RBFOX1: variants seen among roughly 807,000 people sequenced by gnomAD.
RBFOX1 encodes the protein RNA binding protein fox-1 homolog 1.
RBFOX1 carries 8 observed loss-of-function variants against 57.7 expected under a neutral mutation model. That is an observed-to-expected ratio of 0.14 (90% CI 0.08 to 0.25). RBFOX1 has a LOEUF of 0.25. Ranked by LOEUF, RBFOX1 falls within the 10% of genes least tolerant of loss-of-function variation. RBFOX1 has a pLI of 1.00. For missense variants in RBFOX1, 611 were observed against 548.5 expected (o/e 1.11, Z -1.14); for synonymous variants, 326 against 222.4 (o/e 1.47, Z -4.15).
chr16:6,661,489 C>G (rs550144531), intron 3 of RBFOX1, among the ~76,000 whole-genome samples: 1 of 152,206 alleles, frequency 6.6e-6, no homozygotes, highest in South Asian at 2.1e-4. Context: ...CATTAGGGTT[C>G]TGTGTCAATC....
chr16:7,540,044 ACTT>A (rs1385132486), intron 5 of RBFOX1, among the ~76,000 whole-genome samples: 1 of 152,110 alleles, frequency 6.6e-6, no homozygotes, highest in Non-Finnish European at 1.5e-5. Context: ...AGCTGCCACT[ACTT>A]CTATTATTAT....
rs546472840 is a variant in RBFOX1 at position 5,781,296 on chromosome 16, T to C, written c.319-86007T>C. Reference sequence around the variant, plus strand: ...TTTCAATTTGCTTAGAAGCTTAAGGTTTATCCATAGCCTCCTCCTCTTGAC... The same window carrying C: ...TTTCAATTTGCTTAGAAGCTTAAGGCTTATCCATAGCCTCCTCCTCTTGAC... On this transcript the variant is annotated intron_variant, in intron 3 of 19. Transcript: ENST00000641259. 2.0e-5 allele frequency among the ~76,000 whole-genome samples: 3 copies of C among 152,226 alleles called. No individual in the cohort carries two copies. In the South Asian group the frequency reaches 6.2e-4, roughly 32 times the overall value.
chr16:6,824,243 A>G (rs1170186846), intron 3 of RBFOX1, among the ~76,000 whole-genome samples: 2 of 152,178 alleles, frequency 1.3e-5, no homozygotes, highest in Non-Finnish European at 2.9e-5. Flanking sequence ...CATCTCCACT[A>G]AAAATACAAA....
At chr16:7,709,417 T>G in intron 15 of RBFOX1, 1 of 1,309,214 alleles carries the variant, frequency 7.6e-7, no homozygotes, top group Non-Finnish European at 1.0e-6. Flanking sequence ...ATTAAATCCA[T>G]CACTAACAGA....
intron 4 of RBFOX1, among the ~76,000 whole-genome samples, chr16:7,197,073 C>G (rs751165705): frequency 1.3e-5 from 2 of 152,154 alleles, no homozygotes; most frequent in Non-Finnish European, 2.9e-5. Flanking sequence ...GTGCTAGACA[C>G]CTGAACACAT....
At chr16:5,592,575 C>T (rs933523357) in intron 2 of RBFOX1, among the ~76,000 whole-genome samples, 10 of 152,080 alleles carry the variant, frequency 6.6e-5, no homozygotes, top group African/African-American at 2.4e-4. Context: ...CACCACCATG[C>T]CTGGCTAATT....
intron 3 of RBFOX1, among the ~76,000 whole-genome samples, chr16:5,672,136 G>A (rs1168779615): frequency 6.6e-6 from 1 of 152,138 alleles, no homozygotes; most frequent in Admixed American, 6.5e-5. Flanking sequence ...CTCTCAGTCT[G>A]GGGGCAGGCA....
chr16:6,770,649 G>A (rs780736948), intron 3 of RBFOX1, among the ~76,000 whole-genome samples: 1 of 152,072 alleles, frequency 6.6e-6, no homozygotes, highest in African/African-American at 2.4e-5. Flanking sequence ...AGGCTGCAGA[G>A]CCTTCCTGGG....
At chr16:5,246,982 T>G (rs2062317957) in intron 1 of RBFOX1, among the ~76,000 whole-genome samples, 1 of 152,206 alleles carries the variant, frequency 6.6e-6, no homozygotes, top group Admixed American at 6.5e-5. Flanking sequence ...AGTTCAACGT[T>G]TTTAGATTCC....
chr16:5,699,969 A>G (rs970201239), intron 3 of RBFOX1, among the ~76,000 whole-genome samples: 4 of 152,074 alleles, frequency 2.6e-5, no homozygotes, highest in Admixed American at 6.6e-5. Context: ...AGTAGCTGGG[A>G]CTACAGGCGC....
At chr16:6,228,481 T>C (rs2097433754) in intron 1 of RBFOX1, among the ~76,000 whole-genome samples, 2 of 151,734 alleles carry the variant, frequency 1.3e-5, no homozygotes, top group South Asian at 4.2e-4. Context: ...AATTCAGCCT[T>C]CAAAAAAGAA....
intron 1 of RBFOX1, among the ~76,000 whole-genome samples, chr16:6,266,170 A>G (rs1047243067): frequency 6.6e-6 from 1 of 152,170 alleles, no homozygotes; most frequent in Non-Finnish European, 1.5e-5. Context: ...GAGATCAGTG[A>G]GTCACTTCTC....
intron 4 of RBFOX1, among the ~76,000 whole-genome samples, chr16:7,511,188 C>T (rs559512335): frequency 7.2e-5 from 11 of 152,246 alleles, no homozygotes; most frequent in African/African-American, 1.4e-4. Context: ...ATTTCCTGTT[C>T]GGCCACTTAA....
At chr16:6,386,556 C>T (rs926264129) in intron 2 of RBFOX1, among the ~76,000 whole-genome samples, 7 of 152,112 alleles carry the variant, frequency 4.6e-5, no homozygotes, top group African/African-American at 1.4e-4. Flanking sequence ...ATAGAAAAAG[C>T]AGCAACAACC....
chr16:5,766,235 C>A, intron 3 of RBFOX1, among the ~76,000 whole-genome samples: 1 of 152,160 alleles, frequency 6.6e-6, no homozygotes, highest in Non-Finnish European at 1.5e-5. Flanking sequence ...GGAGAAGGGG[C>A]GTCTCACATG....
At chr16:7,053,825 G>C (rs1255790618) in intron 4 of RBFOX1, among the ~76,000 whole-genome samples, 1 of 152,164 alleles carries the variant, frequency 6.6e-6, no homozygotes, top group Non-Finnish European at 1.5e-5. Flanking sequence ...TCACGAACCA[G>C]TGCTTTGTTT....
chr16:7,373,820 A>G (rs2097627054), intron 4 of RBFOX1, among the ~76,000 whole-genome samples: 1 of 152,202 alleles, frequency 6.6e-6, no homozygotes, highest in Non-Finnish European at 1.5e-5. Flanking sequence ...ACTTTTTTCA[A>G]GAAGATGGAC....
chr16:7,451,086 G>T (rs1434501733), intron 4 of RBFOX1, among the ~76,000 whole-genome samples: 1 of 152,164 alleles, frequency 6.6e-6, no homozygotes, highest in Non-Finnish European at 1.5e-5. Flanking sequence ...TGGCATGCCA[G>T]GTAGGGCAGG....
downstream of RBFOX1, among the ~76,000 whole-genome samples, chr16:5,604,978 C>T (rs1426714076): frequency 1.3e-5 from 2 of 152,200 alleles, no homozygotes; most frequent in African/African-American, 2.4e-5. Context: ...CTGTGTTGTT[C>T]AGAGGGATGG....
Sources: gnomAD v4.1 joint callset for allele counts (sites outside exome capture counted in the v4.1 genomes callset) on GRCh38, gnomAD v4.1.1 for gene constraint, MANE v1.5 for transcripts, NCBI Gene and HGNC (gene_info 2026-07-23, HGNC 2026-07-21) for gene names.